The following RICTOR variants were observed in gnomAD, a reference collection of about 807,000 sequenced individuals.
RICTOR encodes the protein RPTOR independent companion of MTOR complex 2, also known as rapamycin-insensitive companion of mTOR.
Under a neutral mutation model 214.9 loss-of-function variants are expected in RICTOR, and 49 were observed. That is an observed-to-expected ratio of 0.23 (90% CI 0.18 to 0.29). The LOEUF (loss-of-function observed/expected upper bound fraction) is 0.29. Ranked by LOEUF, RICTOR falls within the 10% of genes least tolerant of loss-of-function variation. The pLI is 1.00. For missense variants in RICTOR, 1,625 were observed against 2,047.0 expected (o/e 0.79, Z 3.98); for synonymous variants, 717 against 711.3 (o/e 1.01, Z -0.13).
intron 20 of RICTOR, among the ~76,000 whole-genome samples, 175 bp from the exon 21 acceptor site, chr5:38,960,153 T>C (rs1340551245): frequency 6.6e-6 from 1 of 152,160 alleles, no homozygotes; most frequent in Non-Finnish European, 1.5e-5. Flanking sequence ...TGCATGGAGA[T>C]GATATTATTC....
At position 38,975,528 on chromosome 5, in the gene RICTOR, G is replaced by A; in HGVS notation, c.889+9C>T. 6.2e-7 allele frequency: 1 copy of A among 1,602,780 alleles called. No individual in the cohort carries two copies. The highest frequency in any genetic ancestry group is 8.5e-7 in the Non-Finnish European group (1 of 1,169,706). ...CTTGGATGTTATAAAGCAATGTAGA[G>A]TAACCTACCTGCCCATGATCGGAAT... On this transcript the variant is annotated intron_variant, in intron 10 of 37. Coordinates refer to ENST00000357387, the MANE Select transcript of RICTOR (RefSeq NM_152756.5).
rs541089376 is a variant in RICTOR at position 38,998,887 on chromosome 5, G to A, written c.393-2005C>T. On this transcript the variant is annotated intron_variant, in intron 5 of 37. Transcript: ENST00000357387. ...AAAAATTAGCCAGGCGTGGTGGTGC[G>A]CACCCGCAGTCCCAGCTACTCGGGA... 6.6e-5 allele frequency among the ~76,000 whole-genome samples: 10 copies of A among 151,644 alleles called. 1 individual carries two copies. Among genetic ancestry groups the A allele is most frequent in the African/African-American group, 1.9e-4 (8 of 41,420 alleles).
chr5:39,011,984 G>T (rs1754556520), intron 3 of RICTOR, among the ~76,000 whole-genome samples: 1 of 152,176 alleles, frequency 6.6e-6, no homozygotes. Flanking sequence ...GAAATGTGAG[G>T]ACATGAGATT....
chr5:39,022,961 C>T (rs540306846), intron 2 of RICTOR, among the ~76,000 whole-genome samples: 1 of 152,012 alleles, frequency 6.6e-6, no homozygotes, highest in South Asian at 2.1e-4. Flanking sequence ...TTGATGAAAA[C>T]AATAAACCAA....
rs919489317 is a variant in RICTOR, at chr5:38,960,252, T to C, written c.1851+146A>G. 4 of 836,280 alleles carry C rather than the reference T, an allele frequency of 4.8e-6. No individual in the cohort carries two copies. The African/African-American group carries it at 5.2e-5, about 11-fold the overall frequency. 51.8% of individuals were successfully genotyped at this position (836,280 alleles called of 1,614,324 possible). A position where few individuals can be genotyped will look rare whatever the true frequency, so the allele number is the denominator to read the frequency against. On this transcript the variant is annotated intron_variant, in intron 20 of 37. Transcript: ENST00000357387. ...TAGTGACTAAGTCGGGATTCAACTC[T>C]AGGTCTGGGATCATTTCTTATGTTT...
chr5:39,030,979 T>TA (rs1756233896), intron 2 of RICTOR, among the ~76,000 whole-genome samples: 1 of 152,124 alleles, frequency 6.6e-6, no homozygotes, highest in African/African-American at 2.4e-5. Context: ...AGGAGGGTGA[T>TA]ATGCATATAA....
intron 2 of RICTOR, among the ~76,000 whole-genome samples, chr5:39,031,346 T>C (rs1049207352): frequency 4.6e-5 from 7 of 152,226 alleles, no homozygotes; most frequent in Non-Finnish European, 1.0e-4. Context: ...TTAAAAGTTA[T>C]CTTTGACATT....
rs1478067312 is a variant in RICTOR at position 38,975,454 on chromosome 5, G to C, written c.889+83C>G. 6.6e-6 allele frequency: 6 copies of C among 906,440 alleles called. 1 individual carries two copies. In the Admixed American group the frequency reaches 1.1e-4, roughly 17 times the overall value. 56.1% of individuals were successfully genotyped at this position (906,440 alleles called of 1,614,324 possible). ...TAAGACTAGATTAGCATCTGAATTA[G>C]GTGCTACAATAATAATTTAACATTT... On this transcript the variant is annotated intron_variant, in intron 10 of 37. Coordinates refer to ENST00000357387, the MANE Select transcript of RICTOR (RefSeq NM_152756.5).
intron 7 of RICTOR, among the ~76,000 whole-genome samples, chr5:38,990,665 A>AC (rs1491431382): frequency 1.1e-4 from 1 of 8,772 alleles, no homozygotes; most frequent in Admixed American, 1.6e-3. Context: ...GATATATATC[A>AC]GATATATATC....
chr5:39,033,306 A>C (rs1756404321), intron 2 of RICTOR, among the ~76,000 whole-genome samples: 1 of 149,878 alleles, frequency 6.7e-6, no homozygotes, highest in Non-Finnish European at 1.5e-5. Context: ...CCCAGGCTGG[A>C]GCGCTGGAGT....
At chr5:39,034,656 C>G in intron 2 of RICTOR, among the ~76,000 whole-genome samples, 1 of 152,232 alleles carries the variant, frequency 6.6e-6, no homozygotes, top group East Asian at 1.9e-4. Flanking sequence ...AAACGGCACA[C>G]CAGGAGATTA....
In RICTOR at chr5:38,981,930, T is replaced by G; in HGVS notation, c.690A>C (p.Thr230=). ...LSRINEALIT[T]ILHLLNHPKT... ...TTGGATGATTAAGAAGGTGCAAAAT[T>G]GTAGTAATTAGGGCCTCATTTATTC... The change falls in exon 8 of 38, where the codon ACA becomes ACC. Residue 230 remains threonine, a synonymous_variant. Coordinates refer to ENST00000357387, the MANE Select transcript of RICTOR (RefSeq NM_152756.5). The G allele has an allele frequency of 1.2e-6, 2 of 1,613,234 alleles. No individual in the cohort carries two copies. Among genetic ancestry groups the G allele is most frequent in the Non-Finnish European group, 1.7e-6 (2 of 1,179,302 alleles).
intron 11 of RICTOR, 93 bp downstream of exon 11, chr5:38,971,784 G>T: frequency 1.5e-6 from 1 of 658,476 alleles, no homozygotes; most frequent in Non-Finnish European, 2.7e-6. Flanking sequence ...CAACTAATGA[G>T]GAAAACACAT....
chr5:38,990,978 C>T lies in RICTOR; in HGVS notation c.554G>A (p.Arg185Gln), dbSNP rs1246720782. Reference protein sequence around the residue: ...DGLQERDRMVRACIAIICELA... With the variant: ...DGLQERDRMVQACIAIICELA... ...TTCACAGATAATGGCAATGCATGCT[C>T]GGACCATTCTGTCTCTTTCTTGAAG... Residue 185 changes from arginine to glutamine, a missense_variant, in exon 7 of 38, where the codon CGA (arginine) becomes CAA (glutamine). By Grantham distance (43) the Arg-to-Gln change is conservative. Around this residue, in one of 5 missense-constraint regions of RICTOR, gnomAD observed 258 missense variants for 393.7 expected, o/e 0.66. Transcript: ENST00000357387. 5.0e-6 allele frequency: 8 copies of T among 1,607,004 alleles called. No homozygotes were observed. The highest frequency in any genetic ancestry group is 6.0e-6 in the Non-Finnish European group (7 of 1,175,776).
rs1223962151 is a variant in RICTOR at position 39,074,365 on chromosome 5, C to G, written c.13G>C (p.Gly5Arg). Residue 5 changes from glycine (G) to arginine (R), a missense_variant, in exon 1 of 38, where the codon GGC becomes CGC. Around this residue, in one of 5 missense-constraint regions of RICTOR, gnomAD observed 71 missense variants for 57.9 expected, o/e 1.23. Coordinates refer to ENST00000357387, the MANE Select transcript of RICTOR (RefSeq NM_152756.5). MAAI[G>R]RGRSLKNLRV... ...AGGTTCTTCAGAGAGCGGCCGCGGC[C>G]GATCGCCGCCATATTGACGGGTTTC... 1 of 1,539,144 alleles carries G rather than the reference C, an allele frequency of 6.5e-7. No individual in the cohort carries two copies. The highest frequency in any genetic ancestry group is 8.8e-7 in the Non-Finnish European group (1 of 1,142,286).
At chr5:39,028,107 TAAG>T (rs1755976940) in intron 2 of RICTOR, among the ~76,000 whole-genome samples, 1 of 146,400 alleles carries the variant, frequency 6.8e-6, no homozygotes, top group African/African-American at 2.5e-5. Flanking sequence ...TACACACTTA[TAAG>T]AATAGCTAAA....
intron 19 of RICTOR, among the ~76,000 whole-genome samples, chr5:38,961,800 A>G (rs1334152402): frequency 6.6e-6 from 1 of 152,148 alleles, no homozygotes. Flanking sequence ...GATCAGTAGT[A>G]ATAGCTGGTT....
chr5:39,012,613 C>T (rs1426269886), intron 3 of RICTOR, among the ~76,000 whole-genome samples: 1 of 152,168 alleles, frequency 6.6e-6, no homozygotes, highest in Non-Finnish European at 1.5e-5. Flanking sequence ...TTACTGTTGA[C>T]ATCCTATCTC....
At chr5:38,962,732 C>A (rs1172533622) in intron 17 of RICTOR, 144 bp downstream of exon 17, 1 of 812,874 alleles carries the variant, frequency 1.2e-6, no homozygotes, top group Non-Finnish European at 1.9e-6. Flanking sequence ...AAAAACCCAT[C>A]TCCAAATTAT....
Sources: gnomAD v4.1 joint callset for allele counts (sites outside exome capture counted in the v4.1 genomes callset) on GRCh38, gnomAD v4.1.1 for gene constraint, gnomAD v4.1.1 regional missense constraint, MANE v1.5 for transcripts, NCBI Gene and HGNC (gene_info 2026-07-23, HGNC 2026-07-21) for gene names.